Variants in AGAP1 observed in about 807,000 individuals in gnomAD.
AGAP1 encodes ArfGAP with GTPase domain, ankyrin repeat and PH domain 1, also known as arf-GAP with GTPase, ANK repeat and PH domain-containing protein 1.
A neutral mutation model predicts 105.3 loss-of-function variants in AGAP1; 29 were observed. That is an observed-to-expected ratio of 0.28 (90% confidence interval 0.21 to 0.38). AGAP1 has a LOEUF of 0.38. Among genes scored for constraint, AGAP1 ranks in the 10% least tolerant of loss-of-function variants. The probability of loss-of-function intolerance (pLI) is 1.00; values close to 1 mark genes in which losing one functional copy is unlikely to be tolerated. For missense variants in AGAP1, 998 were observed against 1,165.1 expected, an observed-to-expected ratio of 0.86 and a Z score of 2.09; for synonymous variants, 509 against 485.9, an observed-to-expected ratio of 1.05 and a Z score of -0.63.
In AGAP1 at chr2:235,741,143, C is replaced by A. The variant is rs1349614686; in HGVS notation, c.396+95C>A. 1.9e-6 allele frequency: 2 copies of A among 1,078,034 alleles called. No homozygotes were observed. The highest frequency in any genetic ancestry group is 1.6e-5 in the African/African-American group (1 of 62,760). 66.8% of individuals were successfully genotyped at this position (1,078,034 alleles called of 1,614,324 possible). On this transcript the variant is annotated intron_variant, in intron 4 of 17. Coordinates refer to ENST00000304032, the MANE Select transcript of AGAP1 (RefSeq NM_001037131.3). The surrounding 1 kb of genome is among the most constrained non-coding windows in gnomAD (Gnocchi z 4.9). ...CTTCTAGAAATCGGTGACTTGGTTT[C>A]CAAAAAAGTGGAAACCCCATAAAAA...
intron 10 of AGAP1, among the ~76,000 whole-genome samples, chr2:235,895,293 C>T (rs748885965): frequency 3.3e-5 from 5 of 152,142 alleles, no homozygotes; most frequent in African/African-American, 4.8e-5. Context: ...AGAAGATCCC[C>T]TCTCCCGCTT....
At chr2:236,017,469 C>T (rs1255355653) in intron 13 of AGAP1, among the ~76,000 whole-genome samples, 1 of 151,556 alleles carries the variant, frequency 6.6e-6, no homozygotes, top group African/African-American at 2.4e-5. Flanking sequence ...AACCTCACGT[C>T]GTGTTACACT....
Position 235,867,417 on chromosome 2 carries a change from C to A in AGAP1, c.1051-15928C>A, listed in dbSNP as rs1008921785. Among the ~76,000 whole-genome samples, 3 of 152,132 alleles carry A rather than the reference C, an allele frequency of 2.0e-5. No individual in the cohort carries two copies. The highest frequency in any genetic ancestry group is 6.5e-5 in the Admixed American group (1 of 15,274). ...GGCCGACATGTGGGAGCTTGCCGGC[C>A]CCAGTCCCGTAGGATCCCCAACGCT... On this transcript the variant is annotated intron_variant, in intron 9 of 17. Transcript: ENST00000304032. This position sits in a 1 kb window ranked among gnomAD's most constrained non-coding sequence, Gnocchi z 5.4.
In AGAP1 at chr2:235,879,499, CT is replaced by C. The variant is rs1183372357; in HGVS notation, c.1051-3845del. Among the ~76,000 whole-genome samples the C allele has an allele frequency of 1.3e-5, 2 of 152,224 alleles. No individual in the cohort carries two copies. Among genetic ancestry groups the C allele is most frequent in the African/African-American group, 4.8e-5 (2 of 41,450 alleles). Reference sequence around the variant, plus strand: ...TGCCTATAATCCAAGATTATCCCCCCTGGCAAGACGTAGAGTTTAAGTTAAG... The same window carrying C: ...TGCCTATAATCCAAGATTATCCCCCCGGCAAGACGTAGAGTTTAAGTTAAG... On this transcript the variant is annotated intron_variant, in intron 9 of 17. Coordinates refer to ENST00000304032, the MANE Select transcript of AGAP1 (RefSeq NM_001037131.3). The surrounding 1 kb of genome is among the most constrained non-coding windows in gnomAD (Gnocchi z 5.0).
At position 235,807,303 on chromosome 2, in the gene AGAP1, G is replaced by A; in HGVS notation, c.1022G>A (p.Gly341Glu). ...CTGGAGAGTCGTGCGGACAGCATTG[G>A]GAGCGGCCGAGCCATCCCAATTAAA... Reference protein sequence around the residue: ...KGLESRADSIGSGRAIPIKQG... With the variant: ...KGLESRADSIESGRAIPIKQG... The change falls in exon 9 of 18, where the codon GGG becomes GAG. Residue 341 changes from glycine (G) to glutamate (E), a missense_variant. Gly to Glu is a moderately conservative substitution (Grantham distance 98). Transcript: ENST00000304032. The A allele has an allele frequency of 6.2e-7, 1 of 1,602,172 alleles. No individual in the cohort carries two copies. The highest frequency in any genetic ancestry group is 8.5e-7 in the Non-Finnish European group (1 of 1,176,924).
intron 1 of AGAP1, among the ~76,000 whole-genome samples, chr2:235,573,930 C>T (rs374303813): frequency 1.9e-4 from 29 of 152,244 alleles, no homozygotes; most frequent in African/African-American, 5.5e-4. Flanking sequence ...AGCCTCCCAG[C>T]GGGTTGGCAT....
At chr2:236,006,133 A>G (rs2056314557) in intron 13 of AGAP1, among the ~76,000 whole-genome samples, 1 of 148,214 alleles carries the variant, frequency 6.7e-6, no homozygotes, top group Non-Finnish European at 1.5e-5. Context: ...CTAGGCTGCT[A>G]TCCAATACTG....
At chr2:235,749,600 C>A (rs1312088345) in intron 5 of AGAP1, among the ~76,000 whole-genome samples, 1 of 151,454 alleles carries the variant, frequency 6.6e-6, no homozygotes, top group Non-Finnish European at 1.5e-5. Context: ...CCCTCATATA[C>A]ACCAGCTGTC....
chr2:235,837,047 G>A (rs1435979678), intron 9 of AGAP1, among the ~76,000 whole-genome samples: 6 of 152,172 alleles, frequency 3.9e-5, no homozygotes, highest in South Asian at 4.1e-4. Context: ...GTGCAGTGGC[G>A]CAATCTCAGC....
At position 236,075,054 on chromosome 2, in the gene AGAP1, A is replaced by C. The variant is rs923611018; in HGVS notation, c.2114+25773A>C. On this transcript the variant is annotated intron_variant, in intron 16 of 17. Coordinates refer to ENST00000304032, the MANE Select transcript of AGAP1 (RefSeq NM_001037131.3). ...GACGATAGAGACAGACCTTCTCTCA[A>C]AAAGAAAAAAGCGAGACACAAAAGA... 7.2e-5 allele frequency among the ~76,000 whole-genome samples: 11 copies of C among 152,276 alleles called. No homozygotes were observed. In the East Asian group the frequency reaches 2.1e-3, roughly 29 times the overall value.
intron 16 of AGAP1, among the ~76,000 whole-genome samples, chr2:236,084,187 A>G (rs1469562558): frequency 6.6e-6 from 1 of 151,090 alleles, no homozygotes; most frequent in East Asian, 1.9e-4. Flanking sequence ...GAACAGCTGT[A>G]ATGATGGTTC....
chr2:235,627,060 C>T (rs918837020), intron 1 of AGAP1, among the ~76,000 whole-genome samples: 2 of 152,126 alleles, frequency 1.3e-5, no homozygotes, highest in Non-Finnish European at 2.9e-5. Flanking sequence ...AAAAGTAAGA[C>T]ATAGCGTGGA....
intron 16 of AGAP1, among the ~76,000 whole-genome samples, chr2:236,052,483 T>G (rs1004731830): frequency 1.2e-4 from 19 of 152,126 alleles, no homozygotes; most frequent in African/African-American, 4.3e-4. Context: ...GCACCCCTGA[T>G]TAGGGCAGCT....
chr2:235,957,819 G>A lies in AGAP1; in HGVS notation c.1484-10643G>A, dbSNP rs1482013360. Among the ~76,000 whole-genome samples, 2 of 152,144 alleles carry A rather than the reference G, an allele frequency of 1.3e-5. No individual in the cohort carries two copies. Among genetic ancestry groups the A allele is most frequent in the Non-Finnish European group, 2.9e-5 (2 of 68,038 alleles). ...GTTTTAATTTACGAGTTCCTACAAC[G>A]ACTTCATCTTGAGTTCACAGGGGGC... On this transcript the variant is annotated intron_variant, in intron 12 of 17. Coordinates refer to ENST00000304032, the MANE Select transcript of AGAP1 (RefSeq NM_001037131.3). This position sits in a 1 kb window ranked among gnomAD's most constrained non-coding sequence, Gnocchi z 4.6.
At position 236,040,876 on chromosome 2, in the gene AGAP1, G is replaced by A. The variant is rs756814866; in HGVS notation, c.1891+35G>A. 18 of 1,610,540 alleles carry A rather than the reference G, an allele frequency of 1.1e-5. No individual in the cohort carries two copies. Among genetic ancestry groups the A allele is most frequent in the Non-Finnish European group, 1.4e-5 (17 of 1,177,196 alleles). Reference sequence around the variant, plus strand: ...TGCGGTGGTAGCAGGGGCTGGCGCTGTGTAGCTGGAGACCACATGGTCCCA... The same window carrying A: ...TGCGGTGGTAGCAGGGGCTGGCGCTATGTAGCTGGAGACCACATGGTCCCA... On this transcript the variant is annotated intron_variant, in intron 15 of 17. Transcript: ENST00000304032. This position sits in a 1 kb window ranked among gnomAD's most constrained non-coding sequence, Gnocchi z 5.6.
chr2:235,622,091 G>A lies in AGAP1; in HGVS notation c.164-87088G>A, dbSNP rs1486905240. ...GAATGCCTTAATCTTTTCTTGTTGT[G>A]TTTTGAATAGGTTACATGCAGACAT... On this transcript the variant is annotated intron_variant, in intron 1 of 17. Coordinates refer to ENST00000304032, the MANE Select transcript of AGAP1 (RefSeq NM_001037131.3). The surrounding 1 kb of genome is among the most constrained non-coding windows in gnomAD (Gnocchi z 5.0). 6.6e-6 allele frequency among the ~76,000 whole-genome samples: 1 copy of A among 152,074 alleles called. No homozygotes were observed. Among genetic ancestry groups the A allele is most frequent in the African/African-American group, 2.4e-5 (1 of 41,406 alleles).
chr2:235,670,156 G>T, intron 1 of AGAP1: 1 of 583,650 alleles, frequency 1.7e-6, no homozygotes, highest in South Asian at 1.8e-5. Flanking sequence ...ACGCGATGCC[G>T]CGCGGGACGC....
At chr2:235,902,797 CA>C (rs2125005562) in intron 10 of AGAP1, among the ~76,000 whole-genome samples, 1 of 152,280 alleles carries the variant, frequency 6.6e-6, no homozygotes, top group East Asian at 1.9e-4. Context: ...CGGTAGCCAG[CA>C]AAAATGCTTT....
chr2:235,504,815 T>C (rs1328029908), intron 1 of AGAP1, among the ~76,000 whole-genome samples: 1 of 152,252 alleles, frequency 6.6e-6, no homozygotes, highest in African/African-American at 2.4e-5. Context: ...CATAAACAAA[T>C]GTTTGCATGG....
Sources: allele counts gnomAD v4.1 joint callset (sites outside exome capture counted in the v4.1 genomes callset), GRCh38; gene constraint gnomAD v4.1.1; non-coding constraint Gnocchi (gnomAD v3.1); transcripts MANE v1.5; gene names NCBI Gene and HGNC (gene_info 2026-07-23, HGNC 2026-07-21).